Variants in AGPAT4 observed in about 807,000 individuals in gnomAD.
AGPAT4 encodes the protein 1-acylglycerol-3-phosphate O-acyltransferase 4, also known as 1-acyl-sn-glycerol-3-phosphate acyltransferase delta.
A neutral mutation model predicts 48.0 loss-of-function variants in AGPAT4; 15 were observed. The observed-to-expected ratio is 0.31, with a 90% confidence interval of 0.21 to 0.48. The LOEUF (loss-of-function observed/expected upper bound fraction) is 0.48, where lower values mean the gene tolerates loss of function less well. AGPAT4 is among the 20% of genes least tolerant of loss of function. The pLI, the probability that AGPAT4 is intolerant of heterozygous loss-of-function variation, is 0.99. For synonymous variants in AGPAT4, 178 were observed against 198.7 expected (o/e 0.90, Z 0.88); for missense variants, 314 against 482.5 (o/e 0.65, Z 3.27).
chr6:161,254,350 T>C lies in AGPAT4; in HGVS notation c.-90+19588A>G, dbSNP rs1782885678. Among the ~76,000 whole-genome samples the C allele has an allele frequency of 6.6e-6, 1 of 152,226 alleles. No individual in the cohort carries two copies. Among genetic ancestry groups the C allele is most frequent in the East Asian group, 1.9e-4 (1 of 5,198 alleles). ...CTAACCTGCTCAGGTCCCTACCTTC[T>C]CTGATCCTCAGCTTCTTCCTGTCAT... is the stretch of plus-strand genomic sequence containing the variant. On this transcript the variant is annotated intron_variant, in intron 1 of 8. Transcript: ENST00000320285. The surrounding 1 kb of genome is among the most constrained non-coding windows in gnomAD (Gnocchi z 5.9).
Position 161,139,455 on chromosome 6 carries a change from T to C in AGPAT4, c.1009A>G (p.Thr337Ala). 6.2e-7 allele frequency: 1 copy of C among 1,613,948 alleles called. No homozygotes were observed. Residue 337 changes from threonine to alanine, a missense_variant, in exon 8 of 9, where the codon ACG becomes GCG. Coordinates refer to ENST00000320285, the MANE Select transcript of AGPAT4 (RefSeq NM_020133.3). This position sits in a 1 kb window ranked among gnomAD's most constrained non-coding sequence, Gnocchi z 9.1. ...VSMIRSGSSLTLASFILVFFV... is the reference protein window; with the variant it reads ...VSMIRSGSSLALASFILVFFV... ...AAGACGAGGATGAAGCTGGCCAGCG[T>C]CAGGGAAGACCCGCTCCTGATCATG...
Position 161,222,358 on chromosome 6 carries a change from C to T in AGPAT4, c.178+9678G>A, listed in dbSNP as rs1781858494. Among the ~76,000 whole-genome samples, 1 of 152,098 alleles carries T rather than the reference C, an allele frequency of 6.6e-6. No individual in the cohort carries two copies. The highest frequency in any genetic ancestry group is 1.5e-5 in the Non-Finnish European group (1 of 68,028). ...CATGATCATTGTGTAAAATATAAGA[C>T]ATCCAGATAATAAGACAATTTTCTA... On this transcript the variant is annotated intron_variant, in intron 2 of 8. Coordinates refer to ENST00000320285, the MANE Select transcript of AGPAT4 (RefSeq NM_020133.3). The surrounding 1 kb of genome is among the most constrained non-coding windows in gnomAD (Gnocchi z 5.9).
chr6:161,185,769 G>A (rs1299430812), intron 2 of AGPAT4, among the ~76,000 whole-genome samples: 6 of 152,124 alleles, frequency 3.9e-5, no homozygotes, highest in Admixed American at 6.5e-5. Context: ...CTTGGGCACC[G>A]CTGCCTCTTC....
chr6:161,247,666 T>TCAC (rs1281609054), intron 1 of AGPAT4, among the ~76,000 whole-genome samples: 1 of 152,132 alleles, frequency 6.6e-6, no homozygotes, highest in Non-Finnish European at 1.5e-5. Context: ...ATGCCCTCTC[T>TCAC]CACCACGCCT....
In AGPAT4 at chr6:161,142,958, G is replaced by C. The variant is rs762250277; in HGVS notation, c.844-3338C>G. Among the ~76,000 whole-genome samples, 15 of 152,210 alleles carry C rather than the reference G, an allele frequency of 9.9e-5. No homozygotes were observed. Among genetic ancestry groups the C allele is most frequent in the Non-Finnish European group, 1.6e-4 (11 of 68,028 alleles). The stretch of plus-strand genomic sequence containing the variant: ...ATGGTTCTTGTCCTTGAAGGCCAGA[G>C]CAGGAGAGCACAGTGTTTCCCACGG... On this transcript the variant is annotated intron_variant, in intron 7 of 8. Transcript: ENST00000320285. This position sits in a 1 kb window ranked among gnomAD's most constrained non-coding sequence, Gnocchi z 6.4.
At position 161,143,584 on chromosome 6, in the gene AGPAT4, C is replaced by T. The variant is rs552583597; in HGVS notation, c.843+2940G>A. ...TGAGGTTGTAGGTTCAGCCTCAGAG[C>T]GAGTTTACCTGGGAACTGCTTTTGT... On this transcript the variant is annotated intron_variant, in intron 7 of 8. Coordinates refer to ENST00000320285, the MANE Select transcript of AGPAT4 (RefSeq NM_020133.3). The surrounding 1 kb of genome is among the most constrained non-coding windows in gnomAD (Gnocchi z 4.7). Among the ~76,000 whole-genome samples the T allele has an allele frequency of 6.6e-6, 1 of 152,200 alleles. No individual in the cohort carries two copies. Among genetic ancestry groups the T allele is most frequent in the South Asian group, 2.1e-4 (1 of 4,824 alleles).
At chr6:161,182,384 G>C (rs1225471662) in intron 2 of AGPAT4, among the ~76,000 whole-genome samples, 356 of 27,274 alleles carry the variant, frequency 0.013, no homozygotes, top group African/African-American at 0.015. Context: ...CTCACCCTAT[G>C]CCCTCACCCC....
intron 2 of AGPAT4, among the ~76,000 whole-genome samples, chr6:161,172,645 TTTATTA>T (rs999988512): frequency 6.6e-6 from 1 of 152,032 alleles, no homozygotes; most frequent in Non-Finnish European, 1.5e-5. Context: ...TTATTTTTTA[TTTATTA>T]TTATTATTAT....
Position 161,197,453 on chromosome 6 carries a change from A to T in AGPAT4, c.179-31036T>A, listed in dbSNP as rs1583321212. The stretch of plus-strand genomic sequence containing the variant: ...AACCTAGTTGGCCCCTCCTCTGGGA[A>T]ATCTTCCACAGTGATAGCTGCCTCT... On this transcript the variant is annotated intron_variant, in intron 2 of 8. Coordinates refer to ENST00000320285, the MANE Select transcript of AGPAT4 (RefSeq NM_020133.3). The surrounding 1 kb of genome is among the most constrained non-coding windows in gnomAD (Gnocchi z 5.7). Among the ~76,000 whole-genome samples the T allele has an allele frequency of 6.6e-6, 1 of 152,154 alleles. No homozygotes were observed. Among genetic ancestry groups the T allele is most frequent in the Non-Finnish European group, 1.5e-5 (1 of 68,020 alleles).
Position 161,136,438 on chromosome 6 carries a change from A to G in AGPAT4, c.*102T>C, listed in dbSNP as rs1479141812. 1 of 1,072,734 alleles carries G rather than the reference A, an allele frequency of 9.3e-7. No homozygotes were observed. The highest frequency in any genetic ancestry group is 1.4e-6 in the Non-Finnish European group (1 of 711,410). The allele number at this position is 1,072,734 out of a possible 1,614,324, so 66.5% of individuals were successfully genotyped here. ...AGAGGTCGTGACTTCCGCCGTGCCC[A>G]GCAGGGGCTCACCCAGCCTTTGTCA... On this transcript the variant is annotated 3_prime_UTR_variant, in exon 9 of 9. Coordinates refer to ENST00000320285, the MANE Select transcript of AGPAT4 (RefSeq NM_020133.3).
chr6:161,154,384 A>C lies in AGPAT4; in HGVS notation c.349-74T>G. On this transcript the variant is annotated intron_variant, in intron 3 of 8. Coordinates refer to ENST00000320285, the MANE Select transcript of AGPAT4 (RefSeq NM_020133.3). This position sits in a 1 kb window ranked among gnomAD's most constrained non-coding sequence, Gnocchi z 7.8. ...CACCTGCCGGGGCTGTTGGAGACTG[A>C]AGTAGAAAAAGAGGAGGGGACGTTC... 6.4e-7 allele frequency: 1 copy of C among 1,570,082 alleles called. No homozygotes were observed. Among genetic ancestry groups the C allele is most frequent in the Non-Finnish European group, 8.7e-7 (1 of 1,151,016 alleles).
chr6:161,257,886 G>C (rs1157758743), intron 1 of AGPAT4, among the ~76,000 whole-genome samples: 1 of 152,138 alleles, frequency 6.6e-6, no homozygotes, highest in Non-Finnish European at 1.5e-5. Flanking sequence ...ATGTGGTGAC[G>C]CAGTCTGTCA....
intron 2 of AGPAT4, among the ~76,000 whole-genome samples, chr6:161,183,523 G>A (rs1780659608): frequency 6.6e-6 from 1 of 150,696 alleles, no homozygotes; most frequent in Non-Finnish European, 1.5e-5. Context: ...AGGAGGCTGG[G>A]GCAGCAGAAT....
chr6:161,270,739 G>A lies in AGPAT4; in HGVS notation c.-90+3199C>T, dbSNP rs990420345. 9.2e-5 allele frequency among the ~76,000 whole-genome samples: 14 copies of A among 152,180 alleles called. No individual in the cohort carries two copies. The highest frequency in any genetic ancestry group is 1.3e-4 in the Admixed American group (2 of 15,290). ...GGAGGTTGTGGTGAGCCGAGATCAC[G>A]CCATTGCACTCCAGCCTGGGCGACA... On this transcript the variant is annotated intron_variant, in intron 1 of 8. Coordinates refer to ENST00000320285, the MANE Select transcript of AGPAT4 (RefSeq NM_020133.3). The surrounding 1 kb of genome is among the most constrained non-coding windows in gnomAD (Gnocchi z 5.3).
intron 1 of AGPAT4, among the ~76,000 whole-genome samples, chr6:161,252,663 A>G (rs1002065532): frequency 6.6e-6 from 1 of 152,100 alleles, no homozygotes; most frequent in African/African-American, 2.4e-5. Flanking sequence ...TACAAAAATA[A>G]GCTGGTCATG....
Position 161,226,531 on chromosome 6 carries a change from G to A in AGPAT4, c.178+5505C>T, listed in dbSNP as rs1781986830. Among the ~76,000 whole-genome samples, 1 of 152,108 alleles carries A rather than the reference G, an allele frequency of 6.6e-6. No homozygotes were observed. Among genetic ancestry groups the A allele is most frequent in the Non-Finnish European group, 1.5e-5 (1 of 68,028 alleles). ...GACTTCCCTTGTATTTTCATTTGTGGGGTAGGGGGTGGCCCACACCCAGTT... is the reference window on the plus strand; with the variant it reads ...GACTTCCCTTGTATTTTCATTTGTGAGGTAGGGGGTGGCCCACACCCAGTT... On this transcript the variant is annotated intron_variant, in intron 2 of 8. Coordinates refer to ENST00000320285, the MANE Select transcript of AGPAT4 (RefSeq NM_020133.3). The surrounding 1 kb of genome is among the most constrained non-coding windows in gnomAD (Gnocchi z 6.3).
At chr6:161,151,669 T>C (rs1779595710) in intron 5 of AGPAT4, among the ~76,000 whole-genome samples, 1 of 152,342 alleles carries the variant, frequency 6.6e-6, no homozygotes, top group African/African-American at 2.4e-5. Flanking sequence ...CTAACAGATT[T>C]TGCAGAACTC....
rs545078354 is a variant in AGPAT4 at position 161,184,722 on chromosome 6, C to T, written c.179-18305G>A. Among the ~76,000 whole-genome samples, 67 of 152,188 alleles carry T rather than the reference C, an allele frequency of 4.4e-4. No individual in the cohort carries two copies. Among genetic ancestry groups the T allele is most frequent in the Non-Finnish European group, 8.2e-4 (56 of 68,048 alleles). ...AGGGACAGTTTACCTGCCAGGTTTC[C>T]ACCCATCTGGGCACTTGGCAAGACT... On this transcript the variant is annotated intron_variant, in intron 2 of 8. Coordinates refer to ENST00000320285, the MANE Select transcript of AGPAT4 (RefSeq NM_020133.3). The surrounding 1 kb of genome is among the most constrained non-coding windows in gnomAD (Gnocchi z 4.8).
chr6:161,131,864 CTGT>C lies in AGPAT4; in HGVS notation c.*4673_*4675del, dbSNP rs1246190727. The C allele has an allele frequency of 5.9e-5, 9 of 152,216 alleles. No homozygotes were observed. The highest frequency in any genetic ancestry group is 2.2e-4 in the African/African-American group (9 of 41,440). 9.4% of individuals were successfully genotyped at this position (152,216 alleles called of 1,614,324 possible). On this transcript the variant is annotated 3_prime_UTR_variant, in exon 9 of 9. Coordinates refer to ENST00000320285, the MANE Select transcript of AGPAT4 (RefSeq NM_020133.3). The stretch of plus-strand genomic sequence containing the variant: ...CGAGTCCTTCTCTCAAATTGTACGT[CTGT>C]TGTTTTCAAAAGCCATTGTGACAGG...
Sources: gnomAD v4.1 joint callset for allele counts (sites outside exome capture counted in the v4.1 genomes callset) on GRCh38, gnomAD v4.1.1 for gene constraint, Gnocchi (gnomAD v3.1) non-coding constraint, MANE v1.5 for transcripts, NCBI Gene and HGNC (gene_info 2026-07-23, HGNC 2026-07-21) for gene names.